CA10: variants seen among roughly 807,000 people sequenced by gnomAD.
CA10 encodes carbonic anhydrase-related protein 10.
Under a neutral mutation model 44.2 loss-of-function variants are expected in CA10, and 14 were observed. The observed-to-expected ratio is 0.32, with a 90% CI of 0.21 to 0.50. CA10 has a LOEUF of 0.50. Ranked by LOEUF, CA10 falls within the 20% of genes least tolerant of loss-of-function variation. The probability of loss-of-function intolerance (pLI) is 0.99; values close to 1 mark genes in which losing one functional copy is unlikely to be tolerated. For synonymous variants in CA10, 159 were observed against 141.6 expected (o/e 1.12, Z -0.87); for missense variants, 350 against 409.7 (o/e 0.85, Z 1.26).
At chr17:52,094,499 T>C (rs1183389245) in intron 1 of CA10, among the ~76,000 whole-genome samples, 1 of 152,056 alleles carries the variant, frequency 6.6e-6, no homozygotes, top group African/African-American at 2.4e-5. Context: ...CCTAAAGATA[T>C]CACAAAAGAG....
intron 4 of CA10, among the ~76,000 whole-genome samples, chr17:51,723,522 C>T (rs910570807): frequency 3.9e-5 from 6 of 152,082 alleles, no homozygotes; most frequent in Middle Eastern, 3.4e-3. Flanking sequence ...TGAGTGCTCC[C>T]GCAGATATCA....
At chr17:51,782,393 C>T (rs1233574332) in intron 3 of CA10, among the ~76,000 whole-genome samples, 1 of 152,216 alleles carries the variant, frequency 6.6e-6, no homozygotes, top group Non-Finnish European at 1.5e-5. Flanking sequence ...AGTGAGGTCT[C>T]TTTGCAGAAC....
intron 6 of CA10, among the ~76,000 whole-genome samples, chr17:51,638,112 TAAGA>T (rs1393315082): frequency 2.0e-5 from 3 of 152,228 alleles, no homozygotes; most frequent in Non-Finnish European, 2.9e-5. Context: ...CCTTCTCCAA[TAAGA>T]AAGAGTTACC....
At chr17:51,683,826 T>C (rs1287030808) in intron 4 of CA10, among the ~76,000 whole-genome samples, 1 of 152,144 alleles carries the variant, frequency 6.6e-6, no homozygotes, top group African/African-American at 2.4e-5. Context: ...TTAACATGGA[T>C]AAATGAATAT....
intron 2 of CA10, among the ~76,000 whole-genome samples, chr17:52,006,587 T>C (rs928358680): frequency 1.3e-5 from 2 of 151,804 alleles, no homozygotes; most frequent in Admixed American, 6.6e-5. Context: ...TTGTTGTTTG[T>C]ATATTTTTAT....
At chr17:51,931,245 C>T in intron 2 of CA10, 113 bp from the exon 3 acceptor site, 1 of 1,025,550 alleles carries the variant, frequency 9.8e-7, no homozygotes. Context: ...ACCAAATGTT[C>T]CCACCCATGG....
At chr17:51,697,337 T>C (rs1311478985) in intron 4 of CA10, among the ~76,000 whole-genome samples, 1 of 152,212 alleles carries the variant, frequency 6.6e-6, no homozygotes, top group Non-Finnish European at 1.5e-5. Flanking sequence ...CCAGCTACCT[T>C]AGTTTCTTAG....
chr17:51,716,198 T>C (rs866676766), intron 4 of CA10, among the ~76,000 whole-genome samples: 2 of 152,126 alleles, frequency 1.3e-5, no homozygotes, highest in Admixed American at 1.3e-4. Flanking sequence ...CTGGGGACGG[T>C]CCCCTGGGTC....
intron 3 of CA10, among the ~76,000 whole-genome samples, chr17:51,839,500 CAAAAAAAAAAAAAA>C (rs34200978): frequency 2.8e-5 from 1 of 36,284 alleles, no homozygotes; most frequent in Non-Finnish European, 4.4e-5. Flanking sequence ...GACTCCTTCT[CAAAAAAAAAAAAAA>C]AAAAAAAAAA....
Position 52,014,920 on chromosome 17 carries a change from GATGA to G in CA10, c.136+57395_136+57398del, listed in dbSNP as rs1006567262. On this transcript the variant is annotated intron_variant, in intron 2 of 8. Coordinates refer to ENST00000451037, the MANE Select transcript of CA10 (RefSeq NM_020178.5). ...GGCAAATATGTCAAAGAAGAAAATG[GATGA>G]ATAATTGTGGTACATTTATACAATA... is the stretch of plus-strand genomic sequence containing the variant. 2.0e-5 allele frequency among the ~76,000 whole-genome samples: 3 copies of G among 152,128 alleles called. No individual in the cohort carries two copies. In the South Asian group the frequency reaches 6.2e-4, roughly 32 times the overall value.
intron 3 of CA10, among the ~76,000 whole-genome samples, chr17:51,884,570 A>T (rs1980515615): frequency 6.6e-6 from 1 of 152,202 alleles, no homozygotes; most frequent in South Asian, 2.1e-4. Context: ...TTAAAATAGC[A>T]CACAGCTTCT....
chr17:52,102,535 A>G (rs1027170597), intron 1 of CA10, among the ~76,000 whole-genome samples: 1 of 152,204 alleles, frequency 6.6e-6, no homozygotes, highest in Non-Finnish European at 1.5e-5. Context: ...AACTGAACCA[A>G]TCAAAAGCTG....
At chr17:52,071,084 A>T in intron 2 of CA10, among the ~76,000 whole-genome samples, 1 of 152,254 alleles carries the variant, frequency 6.6e-6, no homozygotes, top group South Asian at 2.1e-4. Context: ...GTAAGTATTG[A>T]ATGCCATTTG....
rs9893463 is a variant in CA10, at chr17:51,704,557, T to C, written c.465+43076A>G. The stretch of plus-strand genomic sequence containing the variant: ...CTGTCCAGGCAAATTCAGGGCAAGA[T>C]GAGATCATCATGTGAGTGCAGACAG... On this transcript the variant is annotated intron_variant, in intron 4 of 8. Coordinates refer to ENST00000451037, the MANE Select transcript of CA10 (RefSeq NM_020178.5). Among the ~76,000 whole-genome samples, 1,138 of 152,068 alleles carry C rather than the reference T, an allele frequency of 7.5e-3. 12 individuals carry two copies. Among genetic ancestry groups the C allele is most frequent in the African/African-American group, 0.026 (1,074 of 41,546 alleles).
chr17:51,942,487 ACTTTT>A (rs1448796341), intron 2 of CA10, among the ~76,000 whole-genome samples: 1 of 150,498 alleles, frequency 6.6e-6, no homozygotes, highest in African/African-American at 2.4e-5. Flanking sequence ...TTCCTGTTAG[ACTTTT>A]GTATAATTAC....
intron 2 of CA10, among the ~76,000 whole-genome samples, chr17:51,978,282 G>T (rs936947245): frequency 1.3e-5 from 2 of 151,934 alleles, no homozygotes; most frequent in Admixed American, 6.6e-5. Flanking sequence ...TCAAAATAGT[G>T]AGGTATTCAC....
chr17:51,961,188 A>AACAC (rs71149387), intron 2 of CA10, among the ~76,000 whole-genome samples: 25,598 of 144,868 alleles, frequency 0.18, 2,318 homozygotes, highest in East Asian at 0.35. Flanking sequence ...TGTACACACA[A>AACAC]ACACACACAC....
chr17:51,694,057 A>G (rs112778579), intron 4 of CA10, among the ~76,000 whole-genome samples: 238 of 152,240 alleles, frequency 1.6e-3, no homozygotes, highest in Non-Finnish European at 2.5e-3. Flanking sequence ...ATACAAAATT[A>G]GCTAGGCGTG....
chr17:51,892,016 CT>C (rs1324894790), intron 3 of CA10, among the ~76,000 whole-genome samples: 3 of 152,190 alleles, frequency 2.0e-5, no homozygotes, highest in Non-Finnish European at 4.4e-5. Flanking sequence ...CTATGAGTCC[CT>C]TTTGAGTAGC....
Sources: gnomAD v4.1 joint callset for allele counts (sites outside exome capture counted in the v4.1 genomes callset) on GRCh38, gnomAD v4.1.1 for gene constraint, MANE v1.5 for transcripts, NCBI Gene and HGNC (gene_info 2026-07-23, HGNC 2026-07-21) for gene names.